The following PCDH9 variants were observed in gnomAD, a reference collection of about 807,000 sequenced individuals.
PCDH9 encodes the protein protocadherin-9.
In PCDH9, 24 loss-of-function variants were observed where a neutral mutation model predicts 70.6. The ratio of observed to expected loss-of-function variants is 0.34; its 90% CI spans 0.25 to 0.48. PCDH9 has a LOEUF of 0.48. PCDH9 is among the 20% of genes least tolerant of loss of function. The pLI is 0.99. For synonymous variants in PCDH9, 562 were observed against 558.5 expected (o/e 1.01, Z -0.09); for missense variants, 1,281 against 1,503.6 (o/e 0.85, Z 2.45).
intron 3 of PCDH9, among the ~76,000 whole-genome samples, chr13:66,894,045 G>A (rs771661039): frequency 2.6e-5 from 4 of 152,022 alleles, no homozygotes; most frequent in African/African-American, 9.7e-5. Flanking sequence ...TTTCAAACTC[G>A]ATGTCTGACC....
rs151310701 is a variant in PCDH9, at chr13:66,859,774, T to C, written c.3138+43730A>G. Among the ~76,000 whole-genome samples the C allele has an allele frequency of 5.2e-3, 792 of 152,304 alleles. 6 individuals carry two copies. The highest frequency in any genetic ancestry group is 0.019 in the African/African-American group (776 of 41,570). On this transcript the variant is annotated intron_variant, in intron 3 of 4. Coordinates refer to ENST00000377865, the MANE Select transcript of PCDH9 (RefSeq NM_203487.3). The stretch of plus-strand genomic sequence containing the variant: ...TTATATAATCCATGAAGAAGGTACA[T>C]GCGGAGAATTCATGCTGGTGTCATT...
At chr13:67,100,348 T>C (rs1468092584) in intron 2 of PCDH9, among the ~76,000 whole-genome samples, 1 of 152,206 alleles carries the variant, frequency 6.6e-6, no homozygotes, top group Non-Finnish European at 1.5e-5. Context: ...AGGGATTATC[T>C]AGATTGCTTT....
At chr13:66,485,732 ATTTATTT>A (rs1196223652) in intron 4 of PCDH9, among the ~76,000 whole-genome samples, 10 of 151,732 alleles carry the variant, frequency 6.6e-5, no homozygotes, top group African/African-American at 9.7e-5. Flanking sequence ...TCATTTATTT[ATTTATTT>A]TTTATTTTTT....
intron 2 of PCDH9, among the ~76,000 whole-genome samples, chr13:67,024,388 T>G (rs1403372232): frequency 6.6e-6 from 1 of 152,160 alleles, no homozygotes; most frequent in East Asian, 1.9e-4. Flanking sequence ...TAGACAATGA[T>G]GTACTGGAGT....
intron 2 of PCDH9, among the ~76,000 whole-genome samples, chr13:67,067,533 A>T (rs2085672270): frequency 6.6e-6 from 1 of 152,078 alleles, no homozygotes; most frequent in Non-Finnish European, 1.5e-5. Context: ...CACATACTTC[A>T]TTAGTGTGAA....
rs1412517642 is a variant in PCDH9 at position 66,980,739 on chromosome 13, T to TTG, written c.3037-77135_3037-77134insCA. 5.7e-5 allele frequency among the ~76,000 whole-genome samples: 8 copies of TTG among 139,582 alleles called. No individual in the cohort carries two copies. In the East Asian group the frequency reaches 8.1e-4, roughly 14 times the overall value. 91.6% of individuals were successfully genotyped at this position (139,582 alleles called of 152,430 possible). The stretch of plus-strand genomic sequence containing the variant: ...TCCTGTTTTTTTCTTTGTTTTTTTT[T>TTG]TTGTTTTTTTTTTTACTATTTTATA... On this transcript the variant is annotated intron_variant, in intron 2 of 4. Transcript: ENST00000377865.
At chr13:66,639,003 C>G (rs1022907965) in intron 3 of PCDH9, among the ~76,000 whole-genome samples, 4 of 152,124 alleles carry the variant, frequency 2.6e-5, no homozygotes, top group African/African-American at 7.2e-5. Context: ...CTTCACTGAT[C>G]CTATTTGATG....
intron 2 of PCDH9, among the ~76,000 whole-genome samples, chr13:67,162,294 TGTAA>T (rs1250973141): frequency 3.9e-5 from 6 of 152,224 alleles, no homozygotes; most frequent in Admixed American, 6.5e-5. Flanking sequence ...TCTCCTGATA[TGTAA>T]GTATTTCAAA....
intron 4 of PCDH9, among the ~76,000 whole-genome samples, chr13:66,423,907 G>A (rs1247600943): frequency 6.6e-6 from 1 of 152,134 alleles, no homozygotes; most frequent in Non-Finnish European, 1.5e-5. Context: ...CAGATGATAT[G>A]ATTGTATATT....
chr13:66,728,327 C>CAT lies in PCDH9; in HGVS notation c.3139-96918_3139-96917dup, dbSNP rs1322381785. 7.2e-5 allele frequency among the ~76,000 whole-genome samples: 11 copies of CAT among 152,240 alleles called. No individual in the cohort carries two copies. In the East Asian group the frequency reaches 2.1e-3, roughly 29 times the overall value. ...AAATCATTTTTTGTTCCTCATTCAA[C>CAT]ATATACATTTTAATCTAGTTTTTGA... On this transcript the variant is annotated intron_variant, in intron 3 of 4. Coordinates refer to ENST00000377865, the MANE Select transcript of PCDH9 (RefSeq NM_203487.3).
intron 4 of PCDH9, among the ~76,000 whole-genome samples, chr13:66,414,553 T>G (rs1957430021): frequency 6.6e-6 from 1 of 152,218 alleles, no homozygotes; most frequent in Non-Finnish European, 1.5e-5. Flanking sequence ...ATAAACATGT[T>G]TGCTTTGTGC....
intron 2 of PCDH9, chr13:67,215,252 T>A (rs2089575554): frequency 6.6e-6 from 1 of 151,834 alleles, no homozygotes; most frequent in South Asian, 2.1e-4. Context: ...GACACCAAGT[T>A]TATCTTTCTA....
intron 3 of PCDH9, among the ~76,000 whole-genome samples, chr13:66,820,529 T>C (rs956755899): frequency 2.0e-5 from 3 of 152,166 alleles, no homozygotes; most frequent in African/African-American, 7.2e-5. Context: ...AATCATTCTC[T>C]TATAAAGACG....
At chr13:66,659,551 G>C (rs930968562) in intron 3 of PCDH9, among the ~76,000 whole-genome samples, 2 of 151,870 alleles carry the variant, frequency 1.3e-5, no homozygotes, top group Non-Finnish European at 2.9e-5. Flanking sequence ...GTGTGTGTGT[G>C]TTTGTGTGTG....
At position 66,304,836 on chromosome 13, in the gene PCDH9, G is replaced by T; in HGVS notation, c.3533C>A (p.Thr1178Asn). The change falls in exon 5 of 5, where the codon ACC (threonine) becomes AAC (asparagine). Residue 1178 changes from threonine to asparagine, a missense_variant. Thr to Asn is a moderately conservative substitution (Grantham distance 65). Around this residue, in one of 4 missense-constraint regions of PCDH9, gnomAD observed 264 missense variants for 278.8 expected, o/e 0.95. Coordinates refer to ENST00000377865, the MANE Select transcript of PCDH9 (RefSeq NM_203487.3). ...GTCTTCTTTCCAGGCTCTGGTCAGG[G>T]TGTGCCCATTCACAAGCTTGTCCTT... ...VKKDKLVNGH[T>N]LTRAWKEDSN... is the part of the protein sequence containing the mutation. 2.5e-6 allele frequency: 4 copies of T among 1,613,494 alleles called. No individual in the cohort carries two copies. Among genetic ancestry groups the T allele is most frequent in the Non-Finnish European group, 3.4e-6 (4 of 1,179,698 alleles).
At chr13:66,572,891 T>C (rs1241389057) in intron 4 of PCDH9, among the ~76,000 whole-genome samples, 1 of 151,902 alleles carries the variant, frequency 6.6e-6, no homozygotes, top group Non-Finnish European at 1.5e-5. Flanking sequence ...TCCCAAGGAG[T>C]TGGGACCACA....
At chr13:66,824,766 T>C (rs955182557) in intron 3 of PCDH9, among the ~76,000 whole-genome samples, 1 of 144,116 alleles carries the variant, frequency 6.9e-6, no homozygotes, top group African/African-American at 2.6e-5. Flanking sequence ...ATAAGTCCAA[T>C]CATCAGATGT....
chr13:67,008,901 A>T (rs1484157595), intron 2 of PCDH9, among the ~76,000 whole-genome samples: 2 of 152,178 alleles, frequency 1.3e-5, no homozygotes, highest in Non-Finnish European at 2.9e-5. Context: ...CTAAATTCTC[A>T]TAGAACAAGA....
At chr13:66,735,724 G>A (rs1033055052) in intron 3 of PCDH9, among the ~76,000 whole-genome samples, 2 of 152,174 alleles carry the variant, frequency 1.3e-5, no homozygotes, top group African/African-American at 2.4e-5. Flanking sequence ...AGCACTTTGG[G>A]AGGGTGAGGT....
Sources: gnomAD v4.1 joint callset for allele counts (sites outside exome capture counted in the v4.1 genomes callset) on GRCh38, gnomAD v4.1.1 for gene constraint, gnomAD v4.1.1 regional missense constraint, MANE v1.5 for transcripts, NCBI Gene and HGNC (gene_info 2026-07-23, HGNC 2026-07-21) for gene names.